GRM3: variants seen among roughly 807,000 people sequenced by gnomAD.
The protein encoded by GRM3 is metabotropic glutamate receptor 3.
In GRM3, 26 loss-of-function variants were observed where a neutral mutation model predicts 70.5. The ratio of observed to expected loss-of-function variants is 0.37; its 90% CI spans 0.27 to 0.51. The LOEUF (loss-of-function observed/expected upper bound fraction) is 0.51, where lower values mean the gene tolerates loss of function less well. GRM3 is among the 20% of genes least tolerant of loss of function. The pLI, the probability that GRM3 is intolerant of heterozygous loss-of-function variation, is 0.93. For synonymous variants in GRM3, 443 were observed against 434.9 expected (o/e 1.02, Z -0.23); for missense variants, 859 against 1,123.8 (o/e 0.76, Z 3.37).
chr7:86,703,185 T>C (rs550891774), intron 1 of GRM3, among the ~76,000 whole-genome samples: 1 of 152,060 alleles, frequency 6.6e-6, no homozygotes, highest in African/African-American at 2.4e-5. Flanking sequence ...CATTTAAATT[T>C]AAATTTTATA....
At chr7:86,791,628 G>C (rs1401860542) in intron 3 of GRM3, among the ~76,000 whole-genome samples, 3 of 152,190 alleles carry the variant, frequency 2.0e-5, no homozygotes, top group Non-Finnish European at 4.4e-5. Flanking sequence ...ATGTGCACGA[G>C]GACTCTGGGA....
chr7:86,803,743 T>G (rs1217092391), intron 3 of GRM3, among the ~76,000 whole-genome samples: 1 of 151,520 alleles, frequency 6.6e-6, no homozygotes, highest in Non-Finnish European at 1.5e-5. Flanking sequence ...CAAGCCCCAG[T>G]GTGGCAAGAG....
At chr7:86,779,953 A>G (rs972611290) in intron 2 of GRM3, among the ~76,000 whole-genome samples, 8 of 152,214 alleles carry the variant, frequency 5.3e-5, no homozygotes, top group Non-Finnish European at 7.4e-5. Context: ...AACTACAACA[A>G]TGGGGAAAAG....
chr7:86,713,382 A>G (rs1394721444), intron 1 of GRM3, among the ~76,000 whole-genome samples: 2 of 152,006 alleles, frequency 1.3e-5, no homozygotes, highest in Non-Finnish European at 2.9e-5. Flanking sequence ...AAAGTGCTCC[A>G]CAGCTTAGCT....
Position 86,673,967 on chromosome 7 carries a change from A to G in GRM3, c.-141+29095A>G, listed in dbSNP as rs1483806550. Among the ~76,000 whole-genome samples the G allele has an allele frequency of 2.6e-5, 4 of 152,180 alleles. No individual in the cohort carries two copies. The East Asian group carries it at 5.8e-4, about 22-fold the overall frequency. ...CACGACTTCTAACCTCACCAACTAT[A>G]GCAGGCTCCTAACTTATCTGCCTGC... On this transcript the variant is annotated intron_variant, in intron 1 of 5. Coordinates refer to ENST00000361669, the MANE Select transcript of GRM3 (RefSeq NM_000840.3).
At chr7:86,700,894 A>G (rs1424827082) in intron 1 of GRM3, among the ~76,000 whole-genome samples, 1 of 151,970 alleles carries the variant, frequency 6.6e-6, no homozygotes, top group Non-Finnish European at 1.5e-5. Context: ...CAGTACCATT[A>G]ACTTACCCTC....
Position 86,786,647 on chromosome 7 carries a change from T to G in GRM3, c.855T>G (p.Ile285Met), listed in dbSNP as rs998716639. The change falls in exon 3 of 6, where the codon ATT becomes ATG. Residue 285 changes from isoleucine (I) to methionine (M), a missense_variant. Physicochemically the swap from Ile to Met is conservative, Grantham distance 10. Transcript: ENST00000361669. The surrounding 1 kb of genome is among the most constrained non-coding windows in gnomAD (Gnocchi z 6.0). ...GCAGCGACGACTCGCGGGAGCTCATTGCAGCCGCCAGCCGCGCCAATGCCT... is the reference window on the plus strand; with the variant it reads ...GCAGCGACGACTCGCGGGAGCTCATGGCAGCCGCCAGCCGCGCCAATGCCT... ...FMRSDDSRELIAAASRANASF... is the reference protein window; with the variant it reads ...FMRSDDSRELMAAASRANASF... 4.3e-6 allele frequency: 7 copies of G among 1,611,908 alleles called. No individual in the cohort carries two copies. Among genetic ancestry groups the G allele is most frequent in the African/African-American group, 1.3e-5 (1 of 74,942 alleles).
intron 4 of GRM3, among the ~76,000 whole-genome samples, chr7:86,840,606 T>G (rs951030558): frequency 2.6e-5 from 4 of 152,114 alleles, no homozygotes; most frequent in African/African-American, 9.6e-5. Context: ...AGAAACTTCT[T>G]CATTCCATTA....
intron 3 of GRM3, among the ~76,000 whole-genome samples, chr7:86,804,118 C>T (rs1351007856): frequency 6.6e-6 from 1 of 152,074 alleles, no homozygotes; most frequent in Non-Finnish European, 1.5e-5. Flanking sequence ...CTTCAGCTTG[C>T]AATGTTATAG....
intron 1 of GRM3, among the ~76,000 whole-genome samples, chr7:86,702,492 A>C (rs146451922): frequency 1.6e-3 from 248 of 152,158 alleles, no homozygotes; most frequent in African/African-American, 5.9e-3. Context: ...TAAGATTCTA[A>C]AGTAGTGCTT....
intron 1 of GRM3, among the ~76,000 whole-genome samples, chr7:86,674,484 G>A (rs186987523): frequency 3.3e-5 from 5 of 152,150 alleles, no homozygotes; most frequent in Admixed American, 6.5e-5. Context: ...TCAAGGGGAG[G>A]GAAATTAGGC....
intron 3 of GRM3, among the ~76,000 whole-genome samples, chr7:86,808,747 G>A (rs980876452): frequency 1.3e-5 from 2 of 152,068 alleles, no homozygotes; most frequent in Non-Finnish European, 2.9e-5. Flanking sequence ...AGGTGAGGGA[G>A]CAACCCATGA....
chr7:86,793,064 T>C (rs1280223826), intron 3 of GRM3, among the ~76,000 whole-genome samples: 1 of 140,006 alleles, frequency 7.1e-6, no homozygotes, highest in African/African-American at 2.7e-5. Flanking sequence ...GACAGACTAC[T>C]GGGATCAGAG....
chr7:86,707,244 T>G (rs1795081289), intron 1 of GRM3, among the ~76,000 whole-genome samples: 1 of 152,060 alleles, frequency 6.6e-6, no homozygotes, highest in Non-Finnish European at 1.5e-5. Flanking sequence ...TATATTAATT[T>G]TATTCTGTAA....
At chr7:86,689,707 G>T (rs1794653830) in intron 1 of GRM3, among the ~76,000 whole-genome samples, 1 of 152,098 alleles carries the variant, frequency 6.6e-6, no homozygotes, top group Non-Finnish European at 1.5e-5. Flanking sequence ...TGAATTAAAA[G>T]AAGGATACTG....
intron 3 of GRM3, among the ~76,000 whole-genome samples, chr7:86,825,156 T>C (rs963384997): frequency 6.6e-6 from 1 of 152,238 alleles, no homozygotes; most frequent in African/African-American, 2.4e-5. Flanking sequence ...TTCCCCTCTT[T>C]GTGTCCATGT....
In GRM3 at chr7:86,765,507, A is replaced by G. The variant is rs1167320232; in HGVS notation, c.362A>G (p.Asp121Gly). ...EFVRASLTKVDEAEYMCPDGS... is the reference protein window; with the variant it reads ...EFVRASLTKVGEAEYMCPDGS... Reference sequence around the variant, plus strand: ...GTCAGGGCATCTTTGACAAAAGTGGATGAAGCTGAGTATATGTGTCCTGAT... The same window carrying G: ...GTCAGGGCATCTTTGACAAAAGTGGGTGAAGCTGAGTATATGTGTCCTGAT... The change falls in exon 2 of 6, where the codon GAT becomes GGT. Residue 121 changes from aspartate to glycine, a missense_variant. Coordinates refer to ENST00000361669, the MANE Select transcript of GRM3 (RefSeq NM_000840.3). The G allele has an allele frequency of 6.2e-7, 1 of 1,613,940 alleles. No homozygotes were observed. Among genetic ancestry groups the G allele is most frequent in the East Asian group, 2.2e-5 (1 of 44,874 alleles).
intron 3 of GRM3, among the ~76,000 whole-genome samples, chr7:86,838,207 A>G (rs1798494319): frequency 6.6e-6 from 1 of 152,220 alleles, no homozygotes; most frequent in African/African-American, 2.4e-5. Context: ...GTATATAGAC[A>G]CAGGCATATA....
At chr7:86,687,525 T>C (rs1439148143) in intron 1 of GRM3, among the ~76,000 whole-genome samples, 2 of 151,796 alleles carry the variant, frequency 1.3e-5, no homozygotes, top group African/African-American at 4.8e-5. Context: ...CAAGTAAAAA[T>C]ATTTCTCAGA....
Sources: allele counts gnomAD v4.1 joint callset (sites outside exome capture counted in the v4.1 genomes callset), GRCh38; gene constraint gnomAD v4.1.1; non-coding constraint Gnocchi (gnomAD v3.1); transcripts MANE v1.5; gene names NCBI Gene and HGNC (gene_info 2026-07-23, HGNC 2026-07-21).